Variants in ARHGEF3 observed in about 807,000 individuals in gnomAD.
ARHGEF3 encodes the protein 59.8 kDA protein.
In ARHGEF3, 28 loss-of-function variants were observed where a neutral mutation model predicts 63.2. The observed-to-expected ratio is 0.44, with a 90% CI of 0.33 to 0.61. The LOEUF (loss-of-function observed/expected upper bound fraction) is 0.61, where lower values mean the gene tolerates loss of function less well. Among genes scored for constraint, ARHGEF3 ranks in the 20% least tolerant of loss-of-function variants. The pLI, the probability that ARHGEF3 is intolerant of heterozygous loss-of-function variation, is 0.03. For synonymous variants in ARHGEF3, 266 were observed against 254.2 expected, an observed-to-expected ratio of 1.05 and a Z score of -0.44; for missense variants, 533 against 659.3, an observed-to-expected ratio of 0.81 and a Z score of 2.10.
At chr3:56,849,682 A>T (rs990958087) in intron 4 of ARHGEF3, among the ~76,000 whole-genome samples, 1 of 152,110 alleles carries the variant, frequency 6.6e-6, no homozygotes, top group African/African-American at 2.4e-5. Context: ...AAAAAACAAG[A>T]AATTTAATCA....
chr3:57,003,401 CAAAAAAAA>C (rs60214570), intron 2 of ARHGEF3, among the ~76,000 whole-genome samples: 43 of 43,732 alleles, frequency 9.8e-4, no homozygotes, highest in African/African-American at 3.7e-3. Flanking sequence ...GACGCCGTCT[CAAAAAAAA>C]AAAAAAAAAA....
intron 1 of ARHGEF3, 87 bp from the exon 2 acceptor site, chr3:56,773,903 A>G: frequency 9.2e-7 from 1 of 1,087,844 alleles, no homozygotes; most frequent in Non-Finnish European, 1.3e-6. Context: ...GTTCCACTCC[A>G]CAAGGTACTG....
intron 4 of ARHGEF3, among the ~76,000 whole-genome samples, chr3:56,839,925 C>T (rs1001268939): frequency 3.3e-5 from 5 of 152,090 alleles, no homozygotes; most frequent in African/African-American, 7.2e-5. Flanking sequence ...CTGGTGCTCT[C>T]GAGCCCGGAC....
chr3:57,029,698 A>AC (rs1340752846), intron 2 of ARHGEF3, among the ~76,000 whole-genome samples: 5 of 152,154 alleles, frequency 3.3e-5, no homozygotes, highest in African/African-American at 9.7e-5. Flanking sequence ...TGCCATACCT[A>AC]ATCATGTAAG....
chr3:56,799,516 T>C (rs934647938), intron 1 of ARHGEF3, among the ~76,000 whole-genome samples: 6 of 152,238 alleles, frequency 3.9e-5, no homozygotes, highest in African/African-American at 1.2e-4. Flanking sequence ...AAAAAAATAC[T>C]TTCAGAGGAA....
intron 3 of ARHGEF3, among the ~76,000 whole-genome samples, chr3:56,954,416 G>A: frequency 6.6e-6 from 1 of 152,204 alleles, no homozygotes; most frequent in East Asian, 1.9e-4. Context: ...GGGAGCAGAT[G>A]TGCAGTGAGT....
rs567806399 is a variant in ARHGEF3 at position 56,727,572 on chromosome 3, A to C, written c.*1698T>G. 1.3e-5 allele frequency: 2 copies of C among 152,756 alleles called. No homozygotes were observed. Among genetic ancestry groups the C allele is most frequent in the South Asian group, 2.1e-4 (1 of 4,830 alleles). The allele number at this position is 152,756 out of a possible 1,614,324, so 9.5% of individuals were successfully genotyped here. Reference sequence around the variant, plus strand: ...CCCAACACACTGGCTGATGGCTTCTAAAAGTGGCTGATGGCGCCTACAAAG... The same window carrying C: ...CCCAACACACTGGCTGATGGCTTCTCAAAGTGGCTGATGGCGCCTACAAAG... On this transcript the variant is annotated 3_prime_UTR_variant, in exon 10 of 10. Coordinates refer to ENST00000296315, the MANE Select transcript of ARHGEF3 (RefSeq NM_019555.3).
At chr3:57,040,455 C>A (rs1183982142) in intron 1 of ARHGEF3, among the ~76,000 whole-genome samples, 1 of 120,738 alleles carries the variant, frequency 8.3e-6, no homozygotes, top group African/African-American at 2.9e-5. Context: ...CCAGCCTGGG[C>A]GACAGAATAA....
At chr3:56,814,293 T>G (rs888057684) in intron 4 of ARHGEF3, among the ~76,000 whole-genome samples, 1 of 151,858 alleles carries the variant, frequency 6.6e-6, no homozygotes, top group Admixed American at 6.6e-5. Flanking sequence ...GTTATGAGAC[T>G]TTTTTTTGCG....
intron 3 of ARHGEF3, among the ~76,000 whole-genome samples, chr3:56,953,356 G>A (rs1271215020): frequency 6.6e-6 from 1 of 152,246 alleles, no homozygotes; most frequent in African/African-American, 2.4e-5. Flanking sequence ...AATGGAATGG[G>A]TCAAGGCAGT....
chr3:56,970,696 C>T (rs981563578), intron 2 of ARHGEF3, among the ~76,000 whole-genome samples: 3 of 152,194 alleles, frequency 2.0e-5, no homozygotes, highest in Admixed American at 2.0e-4. Flanking sequence ...TAGCTTCCTG[C>T]GAAGCTTGTA....
chr3:56,771,067 C>T (rs192631749), intron 2 of ARHGEF3, among the ~76,000 whole-genome samples: 64 of 151,210 alleles, frequency 4.2e-4, no homozygotes, highest in Admixed American at 2.0e-3. Flanking sequence ...GAGCTGAGAT[C>T]GCGCCACTGC....
At chr3:56,769,551 G>A (rs910134164) in intron 2 of ARHGEF3, among the ~76,000 whole-genome samples, 1 of 152,244 alleles carries the variant, frequency 6.6e-6, no homozygotes, top group African/African-American at 2.4e-5. Flanking sequence ...CAGGAAGCAA[G>A]AGAGAACAAA....
chr3:57,052,263 A>G (rs1704706649), intron 1 of ARHGEF3, among the ~76,000 whole-genome samples: 1 of 152,132 alleles, frequency 6.6e-6, no homozygotes, highest in Non-Finnish European at 1.5e-5. Context: ...ATCCAATGTC[A>G]CACCTGAGAA....
chr3:56,930,869 T>C (rs1334178086), intron 3 of ARHGEF3, among the ~76,000 whole-genome samples: 1 of 152,092 alleles, frequency 6.6e-6, no homozygotes. Context: ...ACCAGATGGG[T>C]AAGTCATTTC....
intron 7 of ARHGEF3, among the ~76,000 whole-genome samples, chr3:56,738,637 T>C (rs2033804489): frequency 6.6e-6 from 1 of 152,042 alleles, no homozygotes; most frequent in Non-Finnish European, 1.5e-5. Context: ...GATTCCGAAG[T>C]GGTGGTGGAT....
At chr3:56,884,997 C>G (rs2040874377) in intron 3 of ARHGEF3, among the ~76,000 whole-genome samples, 1 of 152,176 alleles carries the variant, frequency 6.6e-6, no homozygotes, top group Non-Finnish European at 1.5e-5. Context: ...ATACACTGTT[C>G]AAAGGTTGGT....
At chr3:56,796,143 A>G (rs1043729918) in intron 1 of ARHGEF3, among the ~76,000 whole-genome samples, 2 of 152,214 alleles carry the variant, frequency 1.3e-5, no homozygotes, top group Non-Finnish European at 2.9e-5. Context: ...GCACACATAC[A>G]TGACAAAGTA....
chr3:56,802,835 A>G (rs1022243562), upstream of ARHGEF3, among the ~76,000 whole-genome samples: 1 of 152,240 alleles, frequency 6.6e-6, no homozygotes, highest in Non-Finnish European at 1.5e-5. Flanking sequence ...AATAAAAAAT[A>G]ACTGGAAACA....
Sources: allele counts gnomAD v4.1 joint callset (sites outside exome capture counted in the v4.1 genomes callset), GRCh38; gene constraint gnomAD v4.1.1; transcripts MANE v1.5; gene names NCBI Gene and HGNC (gene_info 2026-07-23, HGNC 2026-07-21).